Variants in NAALADL2 observed in about 807,000 individuals in gnomAD.
NAALADL2 encodes N-acetylated alpha-linked acidic dipeptidase like 2.
A neutral mutation model predicts 87.2 loss-of-function variants in NAALADL2; 76 were observed. The observed-to-expected ratio is 0.87, with a 90% CI of 0.72 to 1.05. The LOEUF (loss-of-function observed/expected upper bound fraction) is 1.05. Ranked by LOEUF, NAALADL2 falls within the 50% of genes least tolerant of loss-of-function variation. The pLI is 0.00. For synonymous variants in NAALADL2, 354 were observed against 331.0 expected, an observed-to-expected ratio of 1.07 and a Z score of -0.75; for missense variants, 1,089 against 945.8, an observed-to-expected ratio of 1.15 and a Z score of -1.99.
intron 1 of NAALADL2, among the ~76,000 whole-genome samples, chr3:175,022,966 C>T (rs569711282): frequency 2.6e-4 from 40 of 152,136 alleles, no homozygotes; most frequent in African/African-American, 8.9e-4. Flanking sequence ...GTTTTAATTA[C>T]GTCCAGTTTC....
intron 2 of NAALADL2, among the ~76,000 whole-genome samples, chr3:175,216,799 C>T (rs544904233): frequency 6.6e-6 from 1 of 150,594 alleles, no homozygotes. Flanking sequence ...CTCCTGAGTA[C>T]CTGGGATTAC....
intron 2 of NAALADL2, chr3:175,115,189 C>A (rs1465538058): frequency 6.6e-6 from 1 of 151,580 alleles, no homozygotes; most frequent in East Asian, 1.9e-4. Context: ...ACCTCTGACT[C>A]CTAGATATAT....
chr3:174,853,028 T>C (rs1367034935), intron 3 of NAALADL2, among the ~76,000 whole-genome samples: 1 of 151,492 alleles, frequency 6.6e-6, no homozygotes, highest in African/African-American at 2.4e-5. Context: ...TAAACTAGAC[T>C]CATATCTCTC....
intron 2 of NAALADL2, among the ~76,000 whole-genome samples, chr3:174,567,338 T>C (rs1354161557): frequency 1.3e-5 from 2 of 151,634 alleles, no homozygotes; most frequent in Non-Finnish European, 3.0e-5. Flanking sequence ...CATATTTAAT[T>C]TTTAATACGC....
At chr3:174,645,650 T>G (rs1397603005) in intron 2 of NAALADL2, among the ~76,000 whole-genome samples, 1 of 152,214 alleles carries the variant, frequency 6.6e-6, no homozygotes, top group East Asian at 1.9e-4. Flanking sequence ...TTTTCACATA[T>G]ATATGAGAAG....
In NAALADL2 at chr3:175,276,758, T is replaced by C. The variant is rs924567042; in HGVS notation, c.939+20228T>C. Reference sequence around the variant, plus strand: ...ACATAGAAATAGAATGGTAAATATATACATTCTTATTTATTTTTTAAATTT... The same window carrying C: ...ACATAGAAATAGAATGGTAAATATACACATTCTTATTTATTTTTTAAATTT... On this transcript the variant is annotated intron_variant, in intron 4 of 13. Coordinates refer to ENST00000454872, the MANE Select transcript of NAALADL2 (RefSeq NM_207015.3). 2.0e-5 allele frequency among the ~76,000 whole-genome samples: 3 copies of C among 152,194 alleles called. No individual in the cohort carries two copies. In the South Asian group the frequency reaches 6.2e-4, roughly 32 times the overall value.
At chr3:175,795,189 A>G (rs1753308008) in intron 13 of NAALADL2, among the ~76,000 whole-genome samples, 1 of 152,316 alleles carries the variant, frequency 6.6e-6, no homozygotes, top group Admixed American at 6.5e-5. Flanking sequence ...TCAGTCTATA[A>G]CAATGGTTGA....
At chr3:175,159,797 C>T (rs1331427593) in intron 2 of NAALADL2, among the ~76,000 whole-genome samples, 1 of 151,508 alleles carries the variant, frequency 6.6e-6, no homozygotes, top group Non-Finnish European at 1.5e-5. Flanking sequence ...CCCTGCCTCC[C>T]TCCCATCCTT....
At chr3:175,080,123 G>T (rs1215112187) in intron 1 of NAALADL2, among the ~76,000 whole-genome samples, 1 of 152,016 alleles carries the variant, frequency 6.6e-6, no homozygotes, top group Non-Finnish European at 1.5e-5. Context: ...CCGCCACGGC[G>T]CCCGGCTAAT....
chr3:174,450,042 C>G (rs1487649155), intron 1 of NAALADL2, among the ~76,000 whole-genome samples: 1 of 152,024 alleles, frequency 6.6e-6, no homozygotes, highest in Non-Finnish European at 1.5e-5. Flanking sequence ...CACACACACA[C>G]ACACATATAG....
intron 13 of NAALADL2, among the ~76,000 whole-genome samples, chr3:175,758,081 A>G (rs62286123): frequency 0.095 from 14,486 of 152,062 alleles, 724 homozygotes; most frequent in African/African-American, 0.12. Flanking sequence ...CCGTTCAAAA[A>G]TATTTATGAA....
chr3:174,847,546 A>T (rs1400259093), intron 3 of NAALADL2, among the ~76,000 whole-genome samples: 1 of 152,128 alleles, frequency 6.6e-6, no homozygotes, highest in Admixed American at 6.5e-5. Context: ...CTGATTTTGG[A>T]TGGTTGGCCA....
At position 175,031,705 on chromosome 3, in the gene NAALADL2, C is replaced by T. The variant is rs184756053; in HGVS notation, c.44-65085C>T. 6.4e-4 allele frequency among the ~76,000 whole-genome samples: 98 copies of T among 152,160 alleles called. 1 individual carries two copies. The highest frequency in any genetic ancestry group is 1.2e-3 in the Non-Finnish European group (84 of 67,956). ...TTGAGAAGTCTCCAACTGCTTTCCA[C>T]CATGACTGAACAAATGTATGTTCCC... On this transcript the variant is annotated intron_variant, in intron 1 of 13. Coordinates refer to ENST00000454872, the MANE Select transcript of NAALADL2 (RefSeq NM_207015.3).
At chr3:174,629,425 A>G (rs1403395802) in intron 2 of NAALADL2, among the ~76,000 whole-genome samples, 1 of 152,136 alleles carries the variant, frequency 6.6e-6, no homozygotes, top group Non-Finnish European at 1.5e-5. Context: ...TTATCTTTTG[A>G]TGTTTGTTCT....
chr3:175,315,999 A>G (rs1051583967), intron 4 of NAALADL2, among the ~76,000 whole-genome samples: 4 of 152,196 alleles, frequency 2.6e-5, no homozygotes, highest in African/African-American at 4.8e-5. Flanking sequence ...ATTTAACAAA[A>G]TCATTGAGTT....
intron 1 of NAALADL2, among the ~76,000 whole-genome samples, chr3:174,973,048 T>C (rs1359422554): frequency 6.6e-6 from 1 of 152,090 alleles, no homozygotes; most frequent in African/African-American, 2.4e-5. Flanking sequence ...TGACTGCTCC[T>C]TTGCTAGAAG....
intron 9 of NAALADL2, among the ~76,000 whole-genome samples, chr3:175,563,990 G>C (rs773883577): frequency 6.6e-6 from 1 of 152,162 alleles, no homozygotes; most frequent in African/African-American, 2.4e-5. Flanking sequence ...GCTGTCATCT[G>C]TCAGACTTGG....
At chr3:174,717,853 T>G (rs558799865) in intron 2 of NAALADL2, among the ~76,000 whole-genome samples, 12 of 152,264 alleles carry the variant, frequency 7.9e-5, no homozygotes, top group Non-Finnish European at 1.6e-4. Flanking sequence ...TGGCCGGGCA[T>G]GGTGGCTCAT....
intron 3 of NAALADL2, among the ~76,000 whole-genome samples, chr3:175,251,816 A>G (rs1164543023): frequency 6.6e-6 from 1 of 152,216 alleles, no homozygotes; most frequent in Non-Finnish European, 1.5e-5. Context: ...CTTTGAAGGC[A>G]ATGGATACAT....
Sources: gnomAD v4.1 joint callset for allele counts (sites outside exome capture counted in the v4.1 genomes callset) on GRCh38, gnomAD v4.1.1 for gene constraint, MANE v1.5 for transcripts, NCBI Gene and HGNC (gene_info 2026-07-23, HGNC 2026-07-21) for gene names.